Variants in TPRA1 observed in about 807,000 individuals in gnomAD.
The protein encoded by TPRA1 is transmembrane protein adipocyte associated 1, also known as transmembrane protein adipocyte-associated 1.
A neutral mutation model predicts 40.1 loss-of-function variants in TPRA1; 28 were observed. The observed-to-expected ratio is 0.70, with a 90% CI of 0.52 to 0.96. The LOEUF (loss-of-function observed/expected upper bound fraction) is 0.96, where lower values mean the gene tolerates loss of function less well. TPRA1 is among the 40% of genes least tolerant of loss of function. The pLI is 0.00. For synonymous variants in TPRA1, 219 were observed against 209.7 expected, an observed-to-expected ratio of 1.04 and a Z score of -0.38; for missense variants, 441 against 482.6, an observed-to-expected ratio of 0.91 and a Z score of 0.81.
At chr3:127,597,657 A>AACTCCT (rs2074258642) in intron 1 of TPRA1, among the ~76,000 whole-genome samples, 1 of 152,150 alleles carries the variant, frequency 6.6e-6, no homozygotes, top group South Asian at 2.1e-4. Flanking sequence ...GGGCAAAGAT[A>AACTCCT]ACTCCTACTA....
In TPRA1 at chr3:127,571,269, C is replaced by T. The variant is rs1395577898; in HGVS notation, c.*2252G>A. ...CACCTGCAAGGAAGGCTAGAAAATG[C>T]AGTCTTTATTCTAGACAGCTGTGTA... is the stretch of plus-strand genomic sequence containing the variant. On this transcript the variant is annotated 3_prime_UTR_variant, in exon 11 of 11. Coordinates refer to ENST00000355552, the MANE Select transcript of TPRA1 (RefSeq NM_001136053.4). The T allele has an allele frequency of 2.6e-5, 4 of 152,206 alleles. No homozygotes were observed. Among genetic ancestry groups the T allele is most frequent in the Non-Finnish European group, 5.9e-5 (4 of 68,048 alleles). The allele number at this position is 152,206 out of a possible 1,614,324, so 9.4% of individuals were successfully genotyped here. A position where few individuals can be genotyped will look rare whatever the true frequency, so the allele number is the denominator to read the frequency against.
At position 127,576,150 on chromosome 3, in the gene TPRA1, C is replaced by G. The variant is rs527998224; in HGVS notation, c.499-100G>C. 1.1e-6 allele frequency: 1 copy of G among 905,944 alleles called. No homozygotes were observed. Among genetic ancestry groups the G allele is most frequent in the Admixed American group, 2.1e-5 (1 of 47,202 alleles). The allele number at this position is 905,944 out of a possible 1,614,324, so 56.1% of individuals were successfully genotyped here. ...AAAGCCCCCTAAGCTCTCCACCACA[C>G]CAAGTTCAGCCTCTTGGCCTGACCC... On this transcript the variant is annotated intron_variant, in intron 6 of 10. Coordinates refer to ENST00000355552, the MANE Select transcript of TPRA1 (RefSeq NM_001136053.4). This position sits in a 1 kb window ranked among gnomAD's most constrained non-coding sequence, Gnocchi z 4.6.
At chr3:127,596,984 C>T (rs1044063488) in intron 1 of TPRA1, among the ~76,000 whole-genome samples, 3 of 152,114 alleles carry the variant, frequency 2.0e-5, no homozygotes, top group Non-Finnish European at 2.9e-5. Context: ...GGCACAATGG[C>T]GTGCATCTCT....
At position 127,577,093 on chromosome 3, in the gene TPRA1, T is replaced by A. The variant is rs1576371320; in HGVS notation, c.259-17A>T. 6.2e-7 allele frequency: 1 copy of A among 1,611,470 alleles called. No homozygotes were observed. The highest frequency in any genetic ancestry group is 8.5e-7 in the Non-Finnish European group (1 of 1,179,534). On this transcript the variant is annotated splice_polypyrimidine_tract_variant and intron_variant, in intron 3 of 10. Coordinates refer to ENST00000355552, the MANE Select transcript of TPRA1 (RefSeq NM_001136053.4). ...CACAAACACCTGGTGGGCAAGGGAGTGGTGTGGCAGTCAGGGAACAAGAGC... is the reference window on the plus strand; with the variant it reads ...CACAAACACCTGGTGGGCAAGGGAGAGGTGTGGCAGTCAGGGAACAAGAGC...
intron 3 of TPRA1, among the ~76,000 whole-genome samples, chr3:127,579,241 T>G (rs2073748000): frequency 6.6e-6 from 1 of 152,220 alleles, no homozygotes; most frequent in Non-Finnish European, 1.5e-5. Flanking sequence ...GGGGGACGAA[T>G]GGATGGAGGA....
At chr3:127,591,895 G>A (rs753528417), upstream of TPRA1, 6 of 152,184 alleles carry the variant, frequency 3.9e-5, no homozygotes, top group Non-Finnish European at 8.8e-5. Context: ...CACACCTTGC[G>A]ACAGCACCGC....
In TPRA1 at chr3:127,590,592, G is replaced by A. The variant is rs2074144377; in HGVS notation, c.-200C>T. 6.6e-6 allele frequency: 1 copy of A among 152,224 alleles called. No homozygotes were observed. The highest frequency in any genetic ancestry group is 1.5e-5 in the Non-Finnish European group (1 of 68,044). The allele number at this position is 152,224 out of a possible 1,614,324, so 9.4% of individuals were successfully genotyped here. A position where few individuals can be genotyped will look rare whatever the true frequency, so the allele number is the denominator to read the frequency against. On this transcript the variant is annotated 5_prime_UTR_variant, in exon 1 of 11. Transcript: ENST00000355552. Reference sequence around the variant, plus strand: ...GCGCGACCGGCTCCGTGGAATGAGGGCTAGGCAGGAAAGGCGAGGCGGGGT... The same window carrying A: ...GCGCGACCGGCTCCGTGGAATGAGGACTAGGCAGGAAAGGCGAGGCGGGGT...
In TPRA1 at chr3:127,584,447, T is replaced by TAAAAAAAA. The variant is rs1163065087; in HGVS notation, c.-17-4292_-17-4285dup. On this transcript the variant is annotated intron_variant, in intron 1 of 10. Coordinates refer to ENST00000355552, the MANE Select transcript of TPRA1 (RefSeq NM_001136053.4). ...CTGGGCCACAGAGTGAGACCCTGTC[T>TAAAAAAAA]AAAAAAAAAAAAAAAAAAAAAAAAA... is the stretch of plus-strand genomic sequence containing the variant. Among the ~76,000 whole-genome samples, 34 of 20,858 alleles carry TAAAAAAAA rather than the reference T, an allele frequency of 1.6e-3. 4 individuals are homozygous for TAAAAAAAA. The highest frequency in any genetic ancestry group is 7.9e-3 in the East Asian group (3 of 382). The allele number at this position is 20,858 out of a possible 152,430, so 13.7% of individuals were successfully genotyped here.
chr3:127,585,662 GA>G (rs2073977420), intron 1 of TPRA1, among the ~76,000 whole-genome samples: 2 of 152,340 alleles, frequency 1.3e-5, no homozygotes, highest in East Asian at 3.9e-4. Flanking sequence ...AAAGACGGCT[GA>G]TGGTGCAGTT....
Position 127,576,567 on chromosome 3 carries a change from T to G in TPRA1, c.498+50A>C. The G allele has an allele frequency of 1.3e-6, 2 of 1,515,442 alleles. No individual in the cohort carries two copies. Among genetic ancestry groups the G allele is most frequent in the Non-Finnish European group, 1.8e-6 (2 of 1,119,368 alleles). 93.9% of individuals were successfully genotyped at this position (1,515,442 alleles called of 1,614,324 possible). A position where few individuals can be genotyped will look rare whatever the true frequency, so the allele number is the denominator to read the frequency against. On this transcript the variant is annotated intron_variant, in intron 6 of 10. Coordinates refer to ENST00000355552, the MANE Select transcript of TPRA1 (RefSeq NM_001136053.4). This position sits in a 1 kb window ranked among gnomAD's most constrained non-coding sequence, Gnocchi z 4.6. ...CTGACCCAGACCCAGAAGCAGTGGG[T>G]GCCTGGTGCCCTGACTCCTAGCGTC...
At chr3:127,589,985 C>T (rs1345326354) in intron 1 of TPRA1, among the ~76,000 whole-genome samples, 1 of 152,248 alleles carries the variant, frequency 6.6e-6, no homozygotes, top group Non-Finnish European at 1.5e-5. Flanking sequence ...GGCCCCCTCA[C>T]GGGGCAGCAA....
At chr3:127,575,872 C>G in intron 7 of TPRA1, 63 bp from the exon 8 acceptor site, 1 of 1,611,030 alleles carries the variant, frequency 6.2e-7, no homozygotes, top group African/African-American at 1.3e-5. Context: ...CAGCCAGAAA[C>G]CCAGGAATCC....
chr3:127,579,622 T>C (rs1000487660), intron 3 of TPRA1, 118 bp downstream of exon 3: 32 of 1,145,532 alleles, frequency 2.8e-5, no homozygotes, highest in Non-Finnish European at 3.9e-5. Context: ...CCTAACGATA[T>C]CATTTAACTG....
intron 1 of TPRA1, among the ~76,000 whole-genome samples, chr3:127,582,089 C>CAATA (rs938617910): frequency 5.9e-5 from 9 of 152,166 alleles, no homozygotes; most frequent in African/African-American, 2.2e-4. Flanking sequence ...TATCCCTGAA[C>CAATA]AATAGCAGCC....
At chr3:127,585,600 T>C (rs2073975429) in intron 1 of TPRA1, among the ~76,000 whole-genome samples, 1 of 152,146 alleles carries the variant, frequency 6.6e-6, no homozygotes. Context: ...TTGGGAGGCT[T>C]GGCCAACAAG....
intron 1 of TPRA1, chr3:127,588,255 C>A: frequency 6.6e-6 from 1 of 152,412 alleles, no homozygotes. Context: ...ATGCTGCTCC[C>A]AAGGGCAGGG....
intron 3 of TPRA1, 138 bp downstream of exon 3, chr3:127,579,602 A>G: frequency 9.7e-7 from 1 of 1,030,264 alleles, no homozygotes; most frequent in Non-Finnish European, 1.4e-6. Flanking sequence ...TCAGAGATGC[A>G]GAAACAGATC....
Position 127,573,194 on chromosome 3 carries a change from G to T in TPRA1, c.*327C>A. On this transcript the variant is annotated 3_prime_UTR_variant, in exon 11 of 11. Coordinates refer to ENST00000355552, the MANE Select transcript of TPRA1 (RefSeq NM_001136053.4). ...GGGATGGGATGGAGGCATTGGGAGAGCCAGCCCTGCCCTCGTGCCAAGGGT... is the reference window on the plus strand; with the variant it reads ...GGGATGGGATGGAGGCATTGGGAGATCCAGCCCTGCCCTCGTGCCAAGGGT... The T allele has an allele frequency of 3.8e-6, 1 of 266,366 alleles. No individual in the cohort carries two copies. Among genetic ancestry groups the T allele is most frequent in the East Asian group, 6.7e-5 (1 of 14,870 alleles). The allele number at this position is 266,366 out of a possible 1,614,324, so 16.5% of individuals were successfully genotyped here.
upstream of TPRA1, among the ~76,000 whole-genome samples, chr3:127,592,349 G>A (rs936195597): frequency 1.3e-5 from 2 of 151,564 alleles, no homozygotes; most frequent in African/African-American, 2.4e-5. Context: ...AACACGAGGC[G>A]GTGTGGAGCA....
Sources: allele counts gnomAD v4.1 joint callset (sites outside exome capture counted in the v4.1 genomes callset), GRCh38; gene constraint gnomAD v4.1.1; non-coding constraint Gnocchi (gnomAD v3.1); transcripts MANE v1.5; gene names NCBI Gene and HGNC (gene_info 2026-07-23, HGNC 2026-07-21).